Variants in PLXDC1 observed in about 807,000 individuals in gnomAD.
The protein encoded by PLXDC1 is plexin domain containing 1.
Under a neutral mutation model 61.3 loss-of-function variants are expected in PLXDC1, and 39 were observed. The observed-to-expected ratio is 0.64, with a 90% confidence interval of 0.49 to 0.83. The LOEUF (loss-of-function observed/expected upper bound fraction) is 0.83. PLXDC1 is among the 40% of genes least tolerant of loss of function. The pLI is 0.00. For synonymous variants in PLXDC1, 212 were observed against 254.5 expected (o/e 0.83, Z 1.59); for missense variants, 596 against 666.5 (o/e 0.89, Z 1.17).
chr17:39,149,174 A>T (rs1430827188), intron 1 of PLXDC1, among the ~76,000 whole-genome samples: 1 of 152,060 alleles, frequency 6.6e-6, no homozygotes, highest in African/African-American at 2.4e-5. Context: ...TGAGGTTTCA[A>T]GGCTCTACCA....
intron 8 of PLXDC1, among the ~76,000 whole-genome samples, chr17:39,085,671 A>T (rs956250924): frequency 1.3e-5 from 2 of 152,100 alleles, no homozygotes; most frequent in African/African-American, 2.4e-5. Context: ...AGGGACCAGG[A>T]GGGACCAGCT....
intron 2 of PLXDC1, among the ~76,000 whole-genome samples, chr17:39,128,117 A>ATT (rs1555573191): frequency 2.1e-5 from 2 of 96,416 alleles, no homozygotes; most frequent in South Asian, 3.2e-4. Context: ...ATATATATGT[A>ATT]TATATATATG....
chr17:39,137,977 C>T (rs1200882852), intron 2 of PLXDC1, among the ~76,000 whole-genome samples: 1 of 152,024 alleles, frequency 6.6e-6, no homozygotes, highest in Non-Finnish European at 1.5e-5. Context: ...GAGTCTTCTT[C>T]TTTTTCCCAG....
intron 9 of PLXDC1, among the ~76,000 whole-genome samples, chr17:39,081,851 G>A (rs1909573388): frequency 6.6e-6 from 1 of 151,934 alleles, no homozygotes; most frequent in South Asian, 2.1e-4. Flanking sequence ...ACTGAGGCAG[G>A]AGGATTGCTT....
intron 2 of PLXDC1, among the ~76,000 whole-genome samples, chr17:39,128,113 A>ACATATATATG (rs1217496368): frequency 6.4e-4 from 61 of 95,684 alleles, no homozygotes; most frequent in Non-Finnish European, 8.7e-4. Context: ...ATATATATAT[A>ACATATATATG]TGTATATATA....
intron 2 of PLXDC1, among the ~76,000 whole-genome samples, chr17:39,110,219 T>A (rs1910750520): frequency 6.6e-6 from 1 of 152,000 alleles, no homozygotes. Flanking sequence ...GGAATGGGAC[T>A]TATATAAACA....
At chr17:39,089,410 G>C (rs908348650) in intron 7 of PLXDC1, among the ~76,000 whole-genome samples, 1 of 152,150 alleles carries the variant, frequency 6.6e-6, no homozygotes, top group African/African-American at 2.4e-5. Flanking sequence ...CCACAGTACC[G>C]GGCTCATGGG....
At chr17:39,082,561 C>CT (rs1909600604) in intron 9 of PLXDC1, among the ~76,000 whole-genome samples, 1 of 53,146 alleles carries the variant, frequency 1.9e-5, no homozygotes. Context: ...GCAAAACTCT[C>CT]TCAAAAAAAA....
intron 9 of PLXDC1, among the ~76,000 whole-genome samples, chr17:39,082,312 G>C (rs138825613): frequency 8.4e-4 from 128 of 152,354 alleles, no homozygotes; most frequent in Admixed American, 2.8e-3. Context: ...ACGCCTTTGG[G>C]AAGGCCGAGA....
chr17:39,108,276 A>G, intron 4 of PLXDC1, 31 bp from the exon 5 acceptor site: 1 of 1,612,692 alleles, frequency 6.2e-7, no homozygotes, highest in Non-Finnish European at 8.5e-7. Context: ...AGGAGTCACC[A>G]GAAATGGCCC....
chr17:39,104,160 C>G (rs183744559), intron 7 of PLXDC1, among the ~76,000 whole-genome samples: 2 of 152,300 alleles, frequency 1.3e-5, no homozygotes, highest in East Asian at 1.9e-4. Flanking sequence ...CCTGATGTGC[C>G]AGACATTAGG....
At chr17:39,113,236 C>T (rs1910867941) in intron 2 of PLXDC1, 1 of 152,180 alleles carries the variant, frequency 6.6e-6, no homozygotes, top group Admixed American at 6.5e-5. Context: ...AGGAAGGCTC[C>T]TTTCCCAGGG....
chr17:39,108,830 C>T (rs1910689824), intron 4 of PLXDC1, 74 bp downstream of exon 4: 3 of 969,996 alleles, frequency 3.1e-6, no homozygotes, highest in South Asian at 2.7e-5. Flanking sequence ...CTCCAGTGAG[C>T]CACCCCTGGG....
Position 39,139,773 on chromosome 17 carries a change from G to C in PLXDC1, c.136C>G (p.Arg46Gly). 2.5e-6 allele frequency: 4 copies of C among 1,613,898 alleles called. No individual in the cohort carries two copies. In the Admixed American group the frequency reaches 6.7e-5, roughly 27 times the overall value. The change falls in exon 2 of 14, where the codon CGG becomes GGG. Residue 46 changes from arginine to glycine, a missense_variant. Arg to Gly is a moderately radical substitution (Grantham distance 125). Coordinates refer to ENST00000315392, the MANE Select transcript of PLXDC1 (RefSeq NM_020405.5). ...AAKGTVRGWN[R>G]RARESPGHVS... ...TGCCCAGGGCTCTCTCGGGCTCTCC[G>C]GTTCCAGCCCCGCACGGTCCCTTTG...
rs897972382 is a variant in PLXDC1, at chr17:39,109,090, C to A, written c.400-117G>T. 7.7e-5 allele frequency: 98 copies of A among 1,266,008 alleles called. No homozygotes were observed. In the African/African-American group the frequency reaches 1.4e-3, roughly 18 times the overall value. The allele number at this position is 1,266,008 out of a possible 1,614,324, so 78.4% of individuals were successfully genotyped here. ...GGAGCAGGCATGCCCAGGGCCACTG[C>A]TGGGCACCCCAACTCTGGCAAAGTC... is the stretch of plus-strand genomic sequence containing the variant. On this transcript the variant is annotated intron_variant, in intron 3 of 13. Coordinates refer to ENST00000315392, the MANE Select transcript of PLXDC1 (RefSeq NM_020405.5).
At chr17:39,078,683 A>G (rs1909436292) in intron 10 of PLXDC1, among the ~76,000 whole-genome samples, 1 of 152,090 alleles carries the variant, frequency 6.6e-6, no homozygotes, top group Non-Finnish European at 1.5e-5. Flanking sequence ...TAAAGAGGAG[A>G]TGCCTGGAAC....
rs1232610840 is a variant in PLXDC1, at chr17:39,066,279, C to T, written c.*1561G>A. The T allele has an allele frequency of 6.6e-6, 1 of 152,300 alleles. No individual in the cohort carries two copies. Among genetic ancestry groups the T allele is most frequent in the Non-Finnish European group, 1.5e-5 (1 of 68,084 alleles). 9.4% of individuals were successfully genotyped at this position (152,300 alleles called of 1,614,324 possible). A position where few individuals can be genotyped will look rare whatever the true frequency, so the allele number is the denominator to read the frequency against. Reference sequence around the variant, plus strand: ...ACATGGTAAATGTGGCTGCGCATAGCAAGCTCACCCAGGGAAGGCTGGGCT... The same window carrying T: ...ACATGGTAAATGTGGCTGCGCATAGTAAGCTCACCCAGGGAAGGCTGGGCT... On this transcript the variant is annotated 3_prime_UTR_variant, in exon 14 of 14. Coordinates refer to ENST00000315392, the MANE Select transcript of PLXDC1 (RefSeq NM_020405.5).
chr17:39,069,728 T>C (rs1368412506), intron 13 of PLXDC1, 128 bp downstream of exon 13: 1 of 702,060 alleles, frequency 1.4e-6, no homozygotes, highest in East Asian at 2.6e-5. Context: ...TGTGCCAGGA[T>C]GGGGTGGATG....
chr17:39,134,452 C>T (rs1357626297), intron 2 of PLXDC1, among the ~76,000 whole-genome samples: 1 of 150,834 alleles, frequency 6.6e-6, no homozygotes, highest in Non-Finnish European at 1.5e-5. Context: ...ACAGTGAAAG[C>T]CCGTCTCTAC....
Sources: allele counts gnomAD v4.1 joint callset (sites outside exome capture counted in the v4.1 genomes callset), GRCh38; gene constraint gnomAD v4.1.1; transcripts MANE v1.5; gene names NCBI Gene and HGNC (gene_info 2026-07-23, HGNC 2026-07-21).